Variants in FOXA3 observed in about 807,000 individuals in gnomAD.
FOXA3 encodes the protein hepatocyte nuclear factor 3-gamma.
In FOXA3, 11 loss-of-function variants were observed where a neutral mutation model predicts 16.9. That is an observed-to-expected ratio of 0.65 (90% CI 0.41 to 1.08). The LOEUF (loss-of-function observed/expected upper bound fraction) is 1.08, where lower values mean the gene tolerates loss of function less well. Among genes scored for constraint, FOXA3 ranks in the 50% least tolerant of loss-of-function variants. The pLI is 0.00. For synonymous variants in FOXA3, 217 were observed against 203.3 expected (o/e 1.07, Z -0.57); for missense variants, 423 against 470.1 (o/e 0.90, Z 0.93).
chr19:45,872,797 C>T lies in FOXA3; in HGVS notation c.792C>T (p.Gly264=), dbSNP rs539294853. ...PPPAPEPEAQ[G]GEDVGALDCG... is the part of the protein sequence containing the mutation. Reference sequence around the variant, plus strand: ...CAGCCCCTGAGCCTGAGGCCCAGGGCGGGGAAGATGTGGGGGCTCTGGACT... The same window carrying T: ...CAGCCCCTGAGCCTGAGGCCCAGGGTGGGGAAGATGTGGGGGCTCTGGACT... Residue 264 remains glycine (G), a synonymous_variant, in exon 2 of 2, where the codon GGC becomes GGT. Coordinates refer to ENST00000302177, the MANE Select transcript of FOXA3 (RefSeq NM_004497.3). This position sits in a 1 kb window ranked among gnomAD's most constrained non-coding sequence, Gnocchi z 4.5. 2.7e-5 allele frequency: 43 copies of T among 1,611,932 alleles called. No individual in the cohort carries two copies. Among genetic ancestry groups the T allele is most frequent in the South Asian group, 3.3e-5 (3 of 91,074 alleles).
intron 1 of FOXA3, among the ~76,000 whole-genome samples, chr19:45,866,189 A>T (rs539387796): frequency 1.3e-5 from 2 of 152,194 alleles, no homozygotes; most frequent in East Asian, 3.9e-4. Context: ...AAGTGGGAGG[A>T]TCTCTTGAGC....
At chr19:45,864,853 G>C (rs1972066215) in intron 1 of FOXA3, among the ~76,000 whole-genome samples, 1 of 152,118 alleles carries the variant, frequency 6.6e-6, no homozygotes, top group African/African-American at 2.4e-5. Flanking sequence ...ACCAAAGATA[G>C]GAATCAGAGT....
At position 45,872,004 on chromosome 19, in the gene FOXA3, G is replaced by T. The variant is rs1402580184; in HGVS notation, c.70-71G>T. 6.8e-7 allele frequency: 1 copy of T among 1,469,460 alleles called. No homozygotes were observed. The highest frequency in any genetic ancestry group is 1.4e-5 in the African/African-American group (1 of 70,840). The allele number at this position is 1,469,460 out of a possible 1,614,324, so 91.0% of individuals were successfully genotyped here. On this transcript the variant is annotated intron_variant, in intron 1 of 1. Transcript: ENST00000302177. This position sits in a 1 kb window ranked among gnomAD's most constrained non-coding sequence, Gnocchi z 4.5. The stretch of plus-strand genomic sequence containing the variant: ...AGATGGACAGACAGACGGACACTCA[G>T]TGGGTCCTGGGATCCTTTGCTGACC...
rs371687599 is a variant in FOXA3 at position 45,872,756 on chromosome 19, C to T, written c.751C>T (p.Pro251Ser). The change falls in exon 2 of 2, where the codon CCC (proline) becomes TCC (serine). Residue 251 changes from proline to serine, a missense_variant. Physicochemically the swap from Pro to Ser is moderately conservative, Grantham distance 74. Coordinates refer to ENST00000302177, the MANE Select transcript of FOXA3 (RefSeq NM_004497.3). The surrounding 1 kb of genome is among the most constrained non-coding windows in gnomAD (Gnocchi z 4.5). ...CCCCGCGGCCACAGTCACCTCCCCG[C>T]CCCAGCCCCCGCCTCCAGCCCCTGA... ...TTPAATVTSP[P>S]QPPPPAPEPE... 2.5e-6 allele frequency: 4 copies of T among 1,606,366 alleles called. No homozygotes were observed. The African/African-American group carries it at 5.3e-5, about 21-fold the overall frequency.
At position 45,864,481 on chromosome 19, in the gene FOXA3, G is replaced by A. The variant is rs765896283; in HGVS notation, c.25G>A (p.Ala9Thr). MLGSVKME[A>T]HDLAEWSYYP... The stretch of plus-strand genomic sequence containing the variant: ...GATGCTGGGCTCAGTGAAGATGGAG[G>A]CCCATGACCTGGCCGAGTGGAGCTA... The change falls in exon 1 of 2, where the codon GCC (alanine) becomes ACC (threonine). Residue 9 changes from alanine to threonine, a missense_variant. Physicochemically the swap from Ala to Thr is moderately conservative, Grantham distance 58 (BLOSUM62 0). Transcript: ENST00000302177. The A allele has an allele frequency of 1.4e-5, 22 of 1,534,034 alleles. No individual in the cohort carries two copies. In the Admixed American group the frequency reaches 2.6e-4, roughly 18 times the overall value.
Position 45,872,025 on chromosome 19 carries a change from T to G in FOXA3, c.70-50T>G, listed in dbSNP as rs1487144129. 3 of 1,584,470 alleles carry G rather than the reference T, an allele frequency of 1.9e-6. No homozygotes were observed. Among genetic ancestry groups the G allele is most frequent in the Admixed American group, 1.8e-5 (1 of 56,546 alleles). On this transcript the variant is annotated intron_variant, in intron 1 of 1. Transcript: ENST00000302177. The surrounding 1 kb of genome is among the most constrained non-coding windows in gnomAD (Gnocchi z 4.5). ...CTCAGTGGGTCCTGGGATCCTTTGC[T>G]GACCAGCAGAGTGGAGCCCCACTGA...
chr19:45,871,595 G>C (rs574583276), intron 1 of FOXA3, among the ~76,000 whole-genome samples: 2 of 151,104 alleles, frequency 1.3e-5, no homozygotes, highest in African/African-American at 4.9e-5. Context: ...AAAAGCTGGC[G>C]TGGTGGCACA....
rs761726569 is a variant in FOXA3 at position 45,864,468 on chromosome 19, A to G, written c.12A>G (p.Ser4=). The G allele has an allele frequency of 9.2e-6, 14 of 1,520,284 alleles. No individual in the cohort carries two copies. Among genetic ancestry groups the G allele is most frequent in the Non-Finnish European group, 1.2e-5 (14 of 1,128,904 alleles). The allele number at this position is 1,520,284 out of a possible 1,614,324, so 94.2% of individuals were successfully genotyped here. Reference sequence around the variant, plus strand: ...CGTAAGCCCGGGGGATGCTGGGCTCAGTGAAGATGGAGGCCCATGACCTGG... The same window carrying G: ...CGTAAGCCCGGGGGATGCTGGGCTCGGTGAAGATGGAGGCCCATGACCTGG... MLG[S]VKMEAHDLAE... The change falls in exon 1 of 2, where the codon TCA becomes TCG. Residue 4 remains serine, a synonymous_variant. Coordinates refer to ENST00000302177, the MANE Select transcript of FOXA3 (RefSeq NM_004497.3).
chr19:45,868,174 G>C (rs1274954288), intron 1 of FOXA3, among the ~76,000 whole-genome samples: 2 of 152,032 alleles, frequency 1.3e-5, no homozygotes, highest in Non-Finnish European at 2.9e-5. Context: ...AAAGAGCAGA[G>C]GATTTCTCGA....
chr19:45,868,811 C>G (rs1260511182), intron 1 of FOXA3, among the ~76,000 whole-genome samples: 1 of 152,182 alleles, frequency 6.6e-6, no homozygotes, highest in Non-Finnish European at 1.5e-5. Flanking sequence ...AAAGAAACAA[C>G]CTTCCAGCAT....
At chr19:45,871,320 T>C (rs1423886041) in intron 1 of FOXA3, among the ~76,000 whole-genome samples, 1 of 152,138 alleles carries the variant, frequency 6.6e-6, no homozygotes, top group South Asian at 2.1e-4. Flanking sequence ...TCTGGCCCAG[T>C]GGAAGACAGC....
chr19:45,864,564 A>C (rs746084685), intron 1 of FOXA3, 39 bp downstream of exon 1: 4 of 1,479,692 alleles, frequency 2.7e-6, no homozygotes, highest in Non-Finnish European at 3.6e-6. Flanking sequence ...AGTTGGGGGC[A>C]GGTATCGGGG....
Position 45,872,836 on chromosome 19 carries a change from T to C in FOXA3, c.831T>C (p.Ala277=), listed in dbSNP as rs765990333. ...GGGCTCTGGACTGTGGCTCACCCGC[T>C]TCCTCCACACCCTATTTCACTGGCC... The part of the protein sequence containing the change: ...DVGALDCGSP[A]SSTPYFTGLE... Residue 277 remains alanine (A), a synonymous_variant, in exon 2 of 2, where the codon GCT becomes GCC. Coordinates refer to ENST00000302177, the MANE Select transcript of FOXA3 (RefSeq NM_004497.3). The surrounding 1 kb of genome is among the most constrained non-coding windows in gnomAD (Gnocchi z 4.5). 3.1e-6 allele frequency: 5 copies of C among 1,613,316 alleles called. No homozygotes were observed. The highest frequency in any genetic ancestry group is 2.7e-5 in the African/African-American group (2 of 74,908).
In FOXA3 at chr19:45,872,663, A is replaced by G. The variant is rs1283278591; in HGVS notation, c.658A>G (p.Lys220Glu). 4 of 1,612,604 alleles carry G rather than the reference A, an allele frequency of 2.5e-6. No homozygotes were observed. The highest frequency in any genetic ancestry group is 3.4e-6 in the Non-Finnish European group (4 of 1,179,454). Residue 220 changes from lysine (K) to glutamate (E), a missense_variant, in exon 2 of 2, where the codon AAA (lysine) becomes GAA (glutamate). By Grantham distance (56) the Lys-to-Glu change is moderately conservative. This residue lies in a region of FOXA3 where 168 missense variants were observed against 179.3 expected (regional missense o/e 0.94). Coordinates refer to ENST00000302177, the MANE Select transcript of FOXA3 (RefSeq NM_004497.3). This position sits in a 1 kb window ranked among gnomAD's most constrained non-coding sequence, Gnocchi z 4.5. ...QKRFKLEEKV[K>E]KGGSGAATTT... ...ACGCTTCAAGCTGGAGGAGAAGGTG[A>G]AAAAAGGGGGCAGCGGGGCTGCCAC...
chr19:45,865,992 C>T (rs989797244), intron 1 of FOXA3, among the ~76,000 whole-genome samples: 3 of 152,132 alleles, frequency 2.0e-5, no homozygotes, highest in Non-Finnish European at 2.9e-5. Flanking sequence ...TTGTACAAAC[C>T]AACTACAGTT....
At chr19:45,866,872 C>T (rs1159221515) in intron 1 of FOXA3, among the ~76,000 whole-genome samples, 1 of 152,218 alleles carries the variant, frequency 6.6e-6, no homozygotes, top group Non-Finnish European at 1.5e-5. Context: ...TGGCTTCACA[C>T]TGCCTTCCTC....
At chr19:45,867,779 C>CAAAAAAAAAAAAAAAAA (rs60785587) in intron 1 of FOXA3, among the ~76,000 whole-genome samples, 1 of 55,462 alleles carries the variant, frequency 1.8e-5, no homozygotes, top group Non-Finnish European at 2.9e-5. Context: ...GACTCTATCT[C>CAAAAAAAAAAAAAAAAA]AAAAAAAAAA....
At position 45,872,476 on chromosome 19, in the gene FOXA3, T is replaced by G. The variant is rs1966917836; in HGVS notation, c.471T>G (p.Asn157Lys). Residue 157 changes from asparagine to lysine, a missense_variant, in exon 2 of 2, where the codon AAT becomes AAG. By Grantham distance (94) the Asn-to-Lys change is moderately conservative. Transcript: ENST00000302177. This position sits in a 1 kb window ranked among gnomAD's most constrained non-coding sequence, Gnocchi z 4.5. ...IMDLFPYYRE[N>K]QQRWQNSIRH... ...ACCTCTTCCCTTACTACCGGGAGAA[T>G]CAGCAGCGCTGGCAGAACTCCATTC... The G allele has an allele frequency of 6.2e-7, 1 of 1,614,054 alleles. No homozygotes were observed. The highest frequency in any genetic ancestry group is 8.5e-7 in the Non-Finnish European group (1 of 1,180,036).
intron 1 of FOXA3, among the ~76,000 whole-genome samples, chr19:45,867,905 T>G (rs1600548728): frequency 3.9e-5 from 5 of 129,026 alleles, no homozygotes; most frequent in East Asian, 2.3e-4. Flanking sequence ...GAGAAAGAGA[T>G]GGAAGGATGG....
Sources: allele counts gnomAD v4.1 joint callset (sites outside exome capture counted in the v4.1 genomes callset), GRCh38; gene constraint gnomAD v4.1.1; regional missense constraint gnomAD v4.1.1; non-coding constraint Gnocchi (gnomAD v3.1); transcripts MANE v1.5; gene names NCBI Gene and HGNC (gene_info 2026-07-23, HGNC 2026-07-21).